MYO1E: variants seen among roughly 807,000 people sequenced by gnomAD.
The protein encoded by MYO1E is myosin IE, also known as unconventional myosin-Ie.
In MYO1E, 68 loss-of-function variants were observed where a neutral mutation model predicts 151.1. The observed-to-expected ratio is 0.45, with a 90% CI of 0.37 to 0.55. MYO1E has a LOEUF of 0.55. MYO1E is among the 20% of genes least tolerant of loss of function. MYO1E has a pLI of 0.00. For synonymous variants in MYO1E, 601 were observed against 501.7 expected, an observed-to-expected ratio of 1.20 and a Z score of -2.64; for missense variants, 1,363 against 1,389.3, an observed-to-expected ratio of 0.98 and a Z score of 0.30.
intron 1 of MYO1E, among the ~76,000 whole-genome samples, chr15:59,295,441 G>A (rs1052844160): frequency 2.2e-4 from 33 of 152,184 alleles, no homozygotes; most frequent in African/African-American, 7.7e-4. Flanking sequence ...AGAGCTGACC[G>A]AAGGAGGGCC....
intron 1 of MYO1E, among the ~76,000 whole-genome samples, chr15:59,297,007 TCGCCCGGCTAA>T (rs377629451): frequency 6.0e-3 from 265 of 44,226 alleles, no homozygotes; most frequent in Admixed American, 0.01. Flanking sequence ...GCCCGGCTAA[TCGCCCGGCTAA>T]TTTTTTGTGT....
chr15:59,359,857 C>A (rs557547981), intron 1 of MYO1E: 6 of 152,276 alleles, frequency 3.9e-5, no homozygotes, highest in Admixed American at 2.0e-4. Context: ...TTCTATAAAA[C>A]AAAGCCACTC....
chr15:59,366,273 C>G (rs1344782583), intron 1 of MYO1E, among the ~76,000 whole-genome samples: 2 of 150,370 alleles, frequency 1.3e-5, no homozygotes, highest in African/African-American at 2.4e-5. Flanking sequence ...ACCACAGGGC[C>G]CAGCCCTGTC....
Position 59,223,191 on chromosome 15 carries a change from G to C in MYO1E, c.778C>G (p.His260Asp), listed in dbSNP as rs149217109. The C allele has an allele frequency of 3.7e-6, 6 of 1,614,182 alleles. No homozygotes were observed. Among genetic ancestry groups the C allele is most frequent in the Non-Finnish European group, 5.1e-6 (6 of 1,180,040 alleles). Residue 260 changes from histidine (H) to aspartate (D), a missense_variant and splice_region_variant, in exon 9 of 28, where the codon CAC becomes GAC. Transcript: ENST00000288235. The part of the protein sequence containing the change: ...DDRREFQETL[H>D]AMNVIGIFAE... Reference sequence around the variant, plus strand: ...AAGATCCCAATCACATTCATGGCGTGCTGGAAGAGAAAAGAGAAACTATCC... The same window carrying C: ...AAGATCCCAATCACATTCATGGCGTCCTGGAAGAGAAAAGAGAAACTATCC...
At chr15:59,237,267 G>A (rs1013785955) in intron 4 of MYO1E, among the ~76,000 whole-genome samples, 66 of 152,242 alleles carry the variant, frequency 4.3e-4, no homozygotes, top group African/African-American at 1.5e-3. Flanking sequence ...GGCACTCTGA[G>A]GTTTCAAACC....
At chr15:59,181,611 T>G (rs868161648) in intron 18 of MYO1E, among the ~76,000 whole-genome samples, 1 of 152,336 alleles carries the variant, frequency 6.6e-6, no homozygotes, top group African/African-American at 2.4e-5. Context: ...TCTCCAATAT[T>G]CAGTCAAGAG....
Position 59,321,746 on chromosome 15 carries a change from C to T in MYO1E, c.4-49297G>A, listed in dbSNP as rs141381854. Among the ~76,000 whole-genome samples, 654 of 152,130 alleles carry T rather than the reference C, an allele frequency of 4.3e-3. 1 individual carries two copies. Among genetic ancestry groups the T allele is most frequent in the Middle Eastern group, 0.017 (5 of 294 alleles). ...TTATACCCCATATCTACAAAAAATA[C>T]AAAAATTTGCCAGAAGGCTATGTGG... On this transcript the variant is annotated intron_variant, in intron 1 of 27. Coordinates refer to ENST00000288235, the MANE Select transcript of MYO1E (RefSeq NM_004998.4).
intron 16 of MYO1E, among the ~76,000 whole-genome samples, chr15:59,199,781 C>T (rs928135518): frequency 5.9e-5 from 9 of 152,160 alleles, no homozygotes; most frequent in Admixed American, 2.6e-4. Context: ...TCCTTTTAAA[C>T]GCTTACGCCT....
chr15:59,263,480 T>C (rs1486880718), intron 2 of MYO1E, among the ~76,000 whole-genome samples: 1 of 152,240 alleles, frequency 6.6e-6, no homozygotes, highest in Non-Finnish European at 1.5e-5. Flanking sequence ...AATGGTTTGT[T>C]AGTTTCTATT....
At chr15:59,198,311 C>T (rs2079780112) in intron 16 of MYO1E, among the ~76,000 whole-genome samples, 3 of 152,210 alleles carry the variant, frequency 2.0e-5, no homozygotes, top group African/African-American at 7.2e-5. Flanking sequence ...AATACGCAGA[C>T]AGCACAGTGA....
chr15:59,278,374 G>A (rs182111757), intron 1 of MYO1E, among the ~76,000 whole-genome samples: 3 of 152,274 alleles, frequency 2.0e-5, no homozygotes, highest in Admixed American at 1.3e-4. Flanking sequence ...TTTGTAATGG[G>A]ATTTTTCTGT....
rs2079527598 is a variant in MYO1E at position 59,159,773 on chromosome 15, G to T, written c.2785+1300C>A. Among the ~76,000 whole-genome samples the T allele has an allele frequency of 6.6e-6, 1 of 152,182 alleles. No homozygotes were observed. Among genetic ancestry groups the T allele is most frequent in the African/African-American group, 2.4e-5 (1 of 41,424 alleles). ...CATATATAAAGATATGATGGCATTT[G>T]CTGGTATTGTATTAATATGTTAGAG... On this transcript the variant is annotated intron_variant, in intron 24 of 27. Transcript: ENST00000288235. This position sits in a 1 kb window ranked among gnomAD's most constrained non-coding sequence, Gnocchi z 4.4.
intron 1 of MYO1E, among the ~76,000 whole-genome samples, chr15:59,354,281 C>T (rs529192851): frequency 7.2e-5 from 11 of 152,332 alleles, no homozygotes; most frequent in African/African-American, 2.6e-4. Flanking sequence ...TCCTCTAGCA[C>T]AGGTGGATGG....
chr15:59,227,673 T>G lies in MYO1E; in HGVS notation c.511-83A>C, dbSNP rs1224722224. 4.0e-6 allele frequency: 6 copies of G among 1,517,672 alleles called. No homozygotes were observed. In the South Asian group the frequency reaches 6.8e-5, roughly 17 times the overall value. The allele number at this position is 1,517,672 out of a possible 1,614,324, so 94.0% of individuals were successfully genotyped here. On this transcript the variant is annotated intron_variant, in intron 6 of 27. Coordinates refer to ENST00000288235, the MANE Select transcript of MYO1E (RefSeq NM_004998.4). ...ACAGGCTTTGAATACAGTATATAATTCAAGGAAATTCATTAATAAAATACA... is the reference window on the plus strand; with the variant it reads ...ACAGGCTTTGAATACAGTATATAATGCAAGGAAATTCATTAATAAAATACA...
rs2079978980 is a variant in MYO1E at position 59,224,775 on chromosome 15, T to C, written c.691A>G (p.Ser231Gly). Residue 231 changes from serine (S) to glycine (G), a missense_variant, in exon 8 of 28, where the codon AGC (serine) becomes GGC (glycine). Ser to Gly is a moderately conservative substitution (Grantham distance 56). Coordinates refer to ENST00000288235, the MANE Select transcript of MYO1E (RefSeq NM_004998.4). ...AEQKHSLGIT[S>G]MDYYYYLSLS... is the part of the protein sequence containing the mutation. Reference sequence around the variant, plus strand: ...CTCAGGTAGTAATAATAGTCCATGCTGGTGATGCCAAGGCTGTGTTTCTGC... The same window carrying C: ...CTCAGGTAGTAATAATAGTCCATGCCGGTGATGCCAAGGCTGTGTTTCTGC... 1 of 1,614,210 alleles carries C rather than the reference T, an allele frequency of 6.2e-7. No homozygotes were observed.
intron 10 of MYO1E, among the ~76,000 whole-genome samples, chr15:59,216,672 A>G (rs1318097769): frequency 0.23 from 2,370 of 10,402 alleles, 304 homozygotes; most frequent in Middle Eastern, 0.36. Context: ...ATGTGTATAT[A>G]TATATATATA....
chr15:59,313,690 G>A (rs1256863444), intron 1 of MYO1E, among the ~76,000 whole-genome samples: 3 of 152,100 alleles, frequency 2.0e-5, no homozygotes, highest in African/African-American at 7.2e-5. Context: ...TTTGATTTGT[G>A]TTGGCTCTGT....
At chr15:59,256,219 C>T (rs1220032457) in intron 4 of MYO1E, 65 bp downstream of exon 4, 59 of 1,318,746 alleles carry the variant, frequency 4.5e-5, no homozygotes, top group East Asian at 2.4e-4. Flanking sequence ...GCTTATCGAC[C>T]GAAATCCATA....
chr15:59,239,234 TTTTTTA>T (rs2080085626), intron 4 of MYO1E, among the ~76,000 whole-genome samples: 1 of 75,834 alleles, frequency 1.3e-5, no homozygotes, highest in African/African-American at 3.7e-5. Context: ...ATTTTTTTTA[TTTTTTA>T]AAATTTGTGT....
Sources: gnomAD v4.1 joint callset for allele counts (sites outside exome capture counted in the v4.1 genomes callset) on GRCh38, gnomAD v4.1.1 for gene constraint, Gnocchi (gnomAD v3.1) non-coding constraint, MANE v1.5 for transcripts, NCBI Gene and HGNC (gene_info 2026-07-23, HGNC 2026-07-21) for gene names.